The following PRKAR1A variants were observed in gnomAD, a reference collection of about 807,000 sequenced individuals.
The protein encoded by PRKAR1A is cAMP-dependent protein kinase type I-alpha regulatory subunit.
Under a neutral mutation model 52.0 loss-of-function variants are expected in PRKAR1A, and 3 were observed. The observed-to-expected ratio is 0.06, with a 90% CI of 0.03 to 0.15. The LOEUF (loss-of-function observed/expected upper bound fraction) is 0.15. PRKAR1A is among the 10% of genes least tolerant of loss of function. PRKAR1A has a pLI of 1.00. For synonymous variants in PRKAR1A, 188 were observed against 168.4 expected (o/e 1.12, Z -0.90); for missense variants, 240 against 477.4 (o/e 0.50, Z 4.63).
At chr17:68,455,778 A>G in the PRKAR1A span, among the ~76,000 whole-genome samples, 4 of 152,250 alleles carry the variant, frequency 2.6e-5, no homozygotes, top group African/African-American at 9.6e-5. Context: ...TTTAATGGCT[A>G]GAGTATAAAT....
chr17:68,420,508 C>A, the PRKAR1A span: 1 of 1,581,512 alleles, frequency 6.3e-7, no homozygotes, highest in Non-Finnish European at 8.6e-7. Context: ...GGAAATTAGG[C>A]AAGTTTGCTT....
the PRKAR1A span, chr17:68,421,792 C>T: frequency 4.3e-6 from 7 of 1,614,188 alleles, no homozygotes; most frequent in Admixed American, 6.7e-5. Flanking sequence ...CTTCGTTTTG[C>T]CCTTCTGATT....
intron 11 of PRKAR1A, among the ~76,000 whole-genome samples, chr17:68,550,601 G>A (rs539055230): frequency 2.6e-4 from 39 of 152,086 alleles, no homozygotes; most frequent in African/African-American, 9.4e-4. Context: ...GGCTGGTCTC[G>A]AACTCCTGAC....
the PRKAR1A span, among the ~76,000 whole-genome samples, chr17:68,458,116 GA>G: frequency 3.9e-5 from 6 of 152,230 alleles, no homozygotes; most frequent in Non-Finnish European, 8.8e-5. Flanking sequence ...AGAAGCTCCT[GA>G]AATGGGGCTG....
the PRKAR1A span, among the ~76,000 whole-genome samples, chr17:68,453,703 T>A: frequency 6.6e-6 from 1 of 152,044 alleles, no homozygotes; most frequent in African/African-American, 2.4e-5. Flanking sequence ...GGTCTTGAAC[T>A]CCTGGCCTCA....
rs762880866 is a variant in PRKAR1A, at chr17:68,527,865, T to C, written c.734T>C (p.Met245Thr). ...GGAAGCACACTGAGAAAGCGGAAGATGTATGAGGAATTCCTTAGTAAAGTC... is the reference window on the plus strand; with the variant it reads ...GGAAGCACACTGAGAAAGCGGAAGACGTATGAGGAATTCCTTAGTAAAGTC... ...LMGSTLRKRKMYEEFLSKVSI... is the reference protein window; with the variant it reads ...LMGSTLRKRKTYEEFLSKVSI... Residue 245 changes from methionine to threonine, a missense_variant, in exon 8 of 11, where the codon ATG becomes ACG. Physicochemically the swap from Met to Thr is moderately conservative, Grantham distance 81. Coordinates refer to ENST00000589228, the MANE Select transcript of PRKAR1A (RefSeq NM_002734.5). The C allele has an allele frequency of 1.2e-6, 2 of 1,612,604 alleles. No individual in the cohort carries two copies. Among genetic ancestry groups the C allele is most frequent in the Non-Finnish European group, 1.7e-6 (2 of 1,178,844 alleles).
At chr17:68,464,847 T>C in the PRKAR1A span, among the ~76,000 whole-genome samples, 3 of 151,908 alleles carry the variant, frequency 2.0e-5, no homozygotes, top group African/African-American at 7.3e-5. Flanking sequence ...ATTCTGAGTC[T>C]AAAGACATTG....
the PRKAR1A span, chr17:68,450,898 C>A: frequency 3.7e-6 from 6 of 1,610,934 alleles, no homozygotes; most frequent in South Asian, 1.1e-5. Flanking sequence ...GGGATTTCAT[C>A]TGGGAGGAAA....
At chr17:68,451,579 G>A in the PRKAR1A span, among the ~76,000 whole-genome samples, 1 of 152,200 alleles carries the variant, frequency 6.6e-6, no homozygotes, top group Non-Finnish European at 1.5e-5. Flanking sequence ...TGGAATATTT[G>A]AACAATTTTC....
rs148465997 is a variant in PRKAR1A, at chr17:68,545,919, A to C, written c.974-5165A>C. Among the ~76,000 whole-genome samples, 50 of 152,276 alleles carry C rather than the reference A, an allele frequency of 3.3e-4. 2 individuals are homozygous for C. The East Asian group carries it at 5.8e-3, about 18-fold the overall frequency. On this transcript the variant is annotated intron_variant, in intron 11 of 11. Transcript: ENST00000585981. Reference sequence around the variant, plus strand: ...GTGCGGTGGCTCATGCCTGTAATCCAAGCACTTTGGGAGGCTGAGGCAGGT... The same window carrying C: ...GTGCGGTGGCTCATGCCTGTAATCCCAGCACTTTGGGAGGCTGAGGCAGGT...
chr17:68,511,628 G>A (rs1305636205), upstream of PRKAR1A, among the ~76,000 whole-genome samples: 1 of 150,278 alleles, frequency 6.7e-6, no homozygotes, highest in Non-Finnish European at 1.5e-5. Flanking sequence ...GGTTTCCACA[G>A]GGACGGTGTT....
At chr17:68,548,107 C>T (rs992739858) in intron 11 of PRKAR1A, among the ~76,000 whole-genome samples, 1 of 152,150 alleles carries the variant, frequency 6.6e-6, no homozygotes, top group Admixed American at 6.5e-5. Flanking sequence ...TCAGAACACA[C>T]ATTTAGGCCA....
chr17:68,450,883 C>T, the PRKAR1A span: 5 of 1,612,100 alleles, frequency 3.1e-6, no homozygotes, highest in East Asian at 4.5e-5. Flanking sequence ...ACGATGTAGA[C>T]GTCCGGGATT....
At chr17:68,543,577 C>T (rs1388105506) in intron 11 of PRKAR1A, 1 of 1,535,568 alleles carries the variant, frequency 6.5e-7, no homozygotes, top group Non-Finnish European at 9.0e-7. Context: ...GCCACCCCTC[C>T]CAGAGGATTG....
At chr17:68,457,397 G>A in the PRKAR1A span, 17 of 1,532,044 alleles carry the variant, frequency 1.1e-5, no homozygotes, top group Non-Finnish European at 1.5e-5. Flanking sequence ...CCGCCCGGGG[G>A]AGCGTCCGCG....
In PRKAR1A at chr17:68,527,076, T is replaced by G. The variant is rs1018818347; in HGVS notation, c.709-764T>G. Among the ~76,000 whole-genome samples, 59 of 152,238 alleles carry G rather than the reference T, an allele frequency of 3.9e-4. 1 individual carries two copies. The highest frequency in any genetic ancestry group is 3.9e-3 in the Admixed American group (59 of 15,286). ...ATTAGTAAAAGGAAACATAGAATGTTTACAGCTTTATCTCATTGTCAAAGA... is the reference window on the plus strand; with the variant it reads ...ATTAGTAAAAGGAAACATAGAATGTGTACAGCTTTATCTCATTGTCAAAGA... On this transcript the variant is annotated intron_variant, in intron 7 of 10. Transcript: ENST00000589228.
downstream of PRKAR1A, chr17:68,535,095 CAGT>C (rs2086064427): frequency 2.8e-6 from 1 of 360,842 alleles, no homozygotes; most frequent in African/African-American, 2.1e-5. Flanking sequence ...AGTTTGCTGT[CAGT>C]AGTAACTTGA....
chr17:68,509,929 G>A (rs1264639617), upstream of PRKAR1A, among the ~76,000 whole-genome samples: 1 of 152,146 alleles, frequency 6.6e-6, no homozygotes, highest in Non-Finnish European at 1.5e-5. Context: ...ACTCAGCAAG[G>A]AAGCAGCTGT....
chr17:68,464,634 T>A, the PRKAR1A span, among the ~76,000 whole-genome samples: 1 of 149,970 alleles, frequency 6.7e-6, no homozygotes, highest in Admixed American at 6.6e-5. Context: ...TGAGCCGAGA[T>A]CGTGCCGCCG....
Sources: allele counts gnomAD v4.1 joint callset (sites outside exome capture counted in the v4.1 genomes callset), GRCh38; gene constraint gnomAD v4.1.1; transcripts MANE v1.5; gene names NCBI Gene and HGNC (gene_info 2026-07-23, HGNC 2026-07-21).